PPP4R4: variants seen among roughly 807,000 people sequenced by gnomAD.
The protein encoded by PPP4R4 is serine/threonine-protein phosphatase 4 regulatory subunit 4.
A neutral mutation model predicts 121.8 loss-of-function variants in PPP4R4; 70 were observed. The observed-to-expected ratio is 0.57, with a 90% CI of 0.47 to 0.70. The LOEUF is 0.70. Ranked by LOEUF, PPP4R4 falls within the 30% of genes least tolerant of loss-of-function variation. The pLI, the probability that PPP4R4 is intolerant of heterozygous loss-of-function variation, is 0.00. For missense variants in PPP4R4, 875 were observed against 1,033.6 expected, an observed-to-expected ratio of 0.85 and a Z score of 2.10; for synonymous variants, 348 against 355.7, an observed-to-expected ratio of 0.98 and a Z score of 0.24.
rs1893956714 is a variant in PPP4R4 at position 94,264,872 on chromosome 14, T to TAACAGG, written c.2128-1_2132dup. 1 of 1,594,088 alleles carries TAACAGG rather than the reference T, an allele frequency of 6.3e-7. No individual in the cohort carries two copies. The highest frequency in any genetic ancestry group is 1.4e-5 in the African/African-American group (1 of 73,974). On this transcript the variant is annotated splice_region_variant and splice_polypyrimidine_tract_variant and intron_variant, in intron 19 of 24. Coordinates refer to ENST00000304338, the MANE Select transcript of PPP4R4 (RefSeq NM_058237.2). ...CCTTTAATGCAAGATACTGTCTTAA[T>TAACAGG]AACAGGAACAATTAGAGAAAGAAAA...
intron 3 of PPP4R4, among the ~76,000 whole-genome samples, chr14:94,209,599 T>C (rs1159331679): frequency 6.6e-6 from 1 of 152,132 alleles, no homozygotes; most frequent in Non-Finnish European, 1.5e-5. Flanking sequence ...TCAAGCTTTT[T>C]TATATCTGTT....
intron 10 of PPP4R4, 103 bp downstream of exon 10, chr14:94,242,060 G>T: frequency 1.6e-6 from 2 of 1,227,736 alleles, no homozygotes; most frequent in African/African-American, 1.6e-5. Context: ...CTTGCTGCTT[G>T]CATTATGTCT....
chr14:94,276,029 A>G lies in PPP4R4; in HGVS notation c.2597+508A>G, dbSNP rs116752804. Among the ~76,000 whole-genome samples the G allele has an allele frequency of 2.7e-3, 403 of 151,548 alleles. 2 individuals are homozygous for G. The highest frequency in any genetic ancestry group is 9.3e-3 in the African/African-American group (383 of 41,156). On this transcript the variant is annotated intron_variant, in intron 24 of 24. Transcript: ENST00000304338. The stretch of plus-strand genomic sequence containing the variant: ...GCCTCCTTTCTCCTTTTCCCCCATG[A>G]TTCCTTTTAATGTGCTGTTTGTATC...
intron 19 of PPP4R4, among the ~76,000 whole-genome samples, chr14:94,261,458 T>C (rs964531420): frequency 6.6e-6 from 1 of 152,114 alleles, no homozygotes; most frequent in African/African-American, 2.4e-5. Context: ...ATTCTAAAAA[T>C]TGTTTTTTAG....
intron 16 of PPP4R4, among the ~76,000 whole-genome samples, chr14:94,253,909 G>T (rs1055752012): frequency 3.3e-5 from 5 of 152,198 alleles, no homozygotes; most frequent in African/African-American, 1.2e-4. Flanking sequence ...CAGATAGAAT[G>T]AAAGCCATCA....
intron 3 of PPP4R4, among the ~76,000 whole-genome samples, chr14:94,216,419 A>T (rs1891019265): frequency 6.6e-6 from 1 of 152,238 alleles, no homozygotes; most frequent in East Asian, 1.9e-4. Context: ...ATCAGCTAAG[A>T]TTTTAACACA....
intron 24 of PPP4R4, among the ~76,000 whole-genome samples, chr14:94,275,955 G>A (rs1387594081): frequency 1.3e-5 from 2 of 152,192 alleles, no homozygotes; most frequent in African/African-American, 2.4e-5. Context: ...CCAATAAACT[G>A]AAGAGATTTA....
chr14:94,196,594 A>G (rs1889889164), intron 2 of PPP4R4, among the ~76,000 whole-genome samples: 1 of 152,098 alleles, frequency 6.6e-6, no homozygotes, highest in African/African-American at 2.4e-5. Context: ...GATTACAGGC[A>G]TGAGCCACTG....
At chr14:94,191,943 C>T (rs1401154409) in intron 2 of PPP4R4, among the ~76,000 whole-genome samples, 1 of 152,060 alleles carries the variant, frequency 6.6e-6, no homozygotes, top group Non-Finnish European at 1.5e-5. Flanking sequence ...GGTTGGAATA[C>T]TAGCTCTAAT....
chr14:94,198,435 A>G (rs532600863), intron 2 of PPP4R4, among the ~76,000 whole-genome samples: 1 of 152,346 alleles, frequency 6.6e-6, no homozygotes, highest in South Asian at 2.1e-4. Context: ...GTTGTTTGCT[A>G]AATATTTATT....
At chr14:94,181,347 A>G (rs1888982797) in intron 2 of PPP4R4, among the ~76,000 whole-genome samples, 1 of 152,172 alleles carries the variant, frequency 6.6e-6, no homozygotes, top group South Asian at 2.1e-4. Context: ...TTGCTTGCTC[A>G]GTTTTCTTTA....
intron 23 of PPP4R4, 108 bp downstream of exon 23, chr14:94,267,137 A>T (rs1950644): frequency 0.21 from 140,489 of 654,432 alleles, 18,598 homozygotes; most frequent in East Asian, 0.59. Flanking sequence ...CTTAAATCTA[A>T]ATCTTTATCA....
At chr14:94,227,559 G>T in intron 3 of PPP4R4, 1 of 1,311,262 alleles carries the variant, frequency 7.6e-7, no homozygotes, top group Admixed American at 3.7e-5. Context: ...AGGATTTTTC[G>T]AAAATTAAAT....
At chr14:94,185,017 TG>T (rs745656199) in intron 2 of PPP4R4, among the ~76,000 whole-genome samples, 8 of 152,198 alleles carry the variant, frequency 5.3e-5, no homozygotes, top group Non-Finnish European at 1.2e-4. Flanking sequence ...AGGAAGCAAA[TG>T]CATTTTTCTT....
chr14:94,225,592 A>C lies in PPP4R4; in HGVS notation c.295-4995A>C, dbSNP rs547182278. 3.3e-5 allele frequency among the ~76,000 whole-genome samples: 5 copies of C among 152,290 alleles called. No individual in the cohort carries two copies. The East Asian group carries it at 7.7e-4, about 24-fold the overall frequency. On this transcript the variant is annotated intron_variant, in intron 3 of 24. Coordinates refer to ENST00000304338, the MANE Select transcript of PPP4R4 (RefSeq NM_058237.2). ...TGTCTGTACATTGTTAGTCCTGCTCATTGCTGGGTCTCTAGGTCTCTAGCA... is the reference window on the plus strand; with the variant it reads ...TGTCTGTACATTGTTAGTCCTGCTCCTTGCTGGGTCTCTAGGTCTCTAGCA...
chr14:94,231,221 T>A (rs1348634879), intron 4 of PPP4R4, 21 bp from the exon 5 acceptor site: 33 of 1,585,754 alleles, frequency 2.1e-5, no homozygotes, highest in Non-Finnish European at 2.9e-5. Flanking sequence ...TAATTTAGTA[T>A]GTTTTATCTC....
intron 23 of PPP4R4, among the ~76,000 whole-genome samples, chr14:94,267,507 A>T (rs577645674): frequency 3.9e-5 from 6 of 152,214 alleles, no homozygotes; most frequent in Non-Finnish European, 7.3e-5. Flanking sequence ...TTACTGAGTA[A>T]AAGCAGCTAT....
chr14:94,174,695 CCCTCTCAGT>C, intron 1 of PPP4R4, 113 bp downstream of exon 1: 3 of 1,463,426 alleles, frequency 2.0e-6, no homozygotes, highest in Non-Finnish European at 2.7e-6. Context: ...GCCGCCGGGA[CCCTCTCAGT>C]CGGGCCGGCC....
At chr14:94,230,540 T>A (rs1396388375) in intron 3 of PPP4R4, 47 bp from the exon 4 acceptor site, 3 of 1,517,392 alleles carry the variant, frequency 2.0e-6, no homozygotes, top group Non-Finnish European at 2.7e-6. Flanking sequence ...AATTATAATT[T>A]GTGATCTCTC....
Sources: allele counts gnomAD v4.1 joint callset (sites outside exome capture counted in the v4.1 genomes callset), GRCh38; gene constraint gnomAD v4.1.1; transcripts MANE v1.5; gene names NCBI Gene and HGNC (gene_info 2026-07-23, HGNC 2026-07-21).